ABCC1: variants seen among roughly 807,000 people sequenced by gnomAD.
The protein encoded by ABCC1 is multidrug resistance-associated protein 1.
In ABCC1, 83 loss-of-function variants were observed where a neutral mutation model predicts 172.9. That is an observed-to-expected ratio of 0.48 (90% confidence interval 0.40 to 0.58). The LOEUF (loss-of-function observed/expected upper bound fraction) is 0.58, where lower values mean the gene tolerates loss of function less well. ABCC1 is among the 20% of genes least tolerant of loss of function. The probability of loss-of-function intolerance (pLI) is 0.00; values close to 1 mark genes in which losing one functional copy is unlikely to be tolerated. For missense variants in ABCC1, 1,817 were observed against 2,002.7 expected (o/e 0.91, Z 1.77); for synonymous variants, 937 against 825.2 (o/e 1.14, Z -2.32).
At chr16:16,035,185 T>C (rs2048708558) in intron 6 of ABCC1, among the ~76,000 whole-genome samples, 1 of 152,096 alleles carries the variant, frequency 6.6e-6, no homozygotes, top group African/African-American at 2.4e-5. Flanking sequence ...GTGGATCACC[T>C]GAGGTCAGGA....
At chr16:16,140,747 T>G (rs1432487317) in intron 30 of ABCC1, among the ~76,000 whole-genome samples, 1 of 152,228 alleles carries the variant, frequency 6.6e-6, no homozygotes, top group Non-Finnish European at 1.5e-5. Context: ...TCTGGCAGCT[T>G]TCACACTATA....
chr16:16,064,015 T>A (rs978502930), intron 12 of ABCC1, among the ~76,000 whole-genome samples: 10 of 151,990 alleles, frequency 6.6e-5, no homozygotes, highest in Admixed American at 5.2e-4. Context: ...AGCTCATAGG[T>A]TGACACTGGG....
intron 20 of ABCC1, among the ~76,000 whole-genome samples, chr16:16,105,757 G>A (rs1044268216): frequency 6.7e-6 from 1 of 149,850 alleles, no homozygotes; most frequent in Non-Finnish European, 1.5e-5. Context: ...TGTCGCCCAG[G>A]CTGGAGTGCA....
intron 12 of ABCC1, among the ~76,000 whole-genome samples, chr16:16,059,087 A>C (rs1434486810): frequency 6.6e-6 from 1 of 152,054 alleles, no homozygotes; most frequent in African/African-American, 2.4e-5. Context: ...TCAGGTTGAC[A>C]TGTAGAGACA....
intron 1 of ABCC1, among the ~76,000 whole-genome samples, chr16:15,983,288 C>T (rs1199317186): frequency 2.0e-5 from 3 of 152,044 alleles, no homozygotes; most frequent in Admixed American, 1.3e-4. Flanking sequence ...TGAAGGGGTC[C>T]CTGGAACAGT....
chr16:15,981,905 A>G (rs1472444654), intron 1 of ABCC1, among the ~76,000 whole-genome samples: 1 of 152,110 alleles, frequency 6.6e-6, no homozygotes, highest in East Asian at 1.9e-4. Context: ...TCTGACAATC[A>G]TCTAAATCAT....
chr16:15,995,046 G>A (rs1275729408), intron 1 of ABCC1, among the ~76,000 whole-genome samples: 2 of 151,394 alleles, frequency 1.3e-5, no homozygotes, highest in African/African-American at 2.4e-5. Context: ...CAGGAGAATT[G>A]CTTGAACTCG....
Position 16,131,772 on chromosome 16 carries a change from C to G in ABCC1, c.3820-17C>G. ...GGACTGGAAATTCCTTACTCTCTCCCTTCACTGCGATCGAAGGCGCCCTGG... is the reference window on the plus strand; with the variant it reads ...GGACTGGAAATTCCTTACTCTCTCCGTTCACTGCGATCGAAGGCGCCCTGG... On this transcript the variant is annotated splice_polypyrimidine_tract_variant and intron_variant, in intron 26 of 30. Transcript: ENST00000399410. 1 of 1,610,278 alleles carries G rather than the reference C, an allele frequency of 6.2e-7. No individual in the cohort carries two copies. The highest frequency in any genetic ancestry group is 8.5e-7 in the Non-Finnish European group (1 of 1,179,050).
intron 24 of ABCC1, among the ~76,000 whole-genome samples, chr16:16,124,475 G>C (rs1178420713): frequency 3.3e-5 from 5 of 151,472 alleles, no homozygotes; most frequent in African/African-American, 1.2e-4. Flanking sequence ...TATTTTAAAG[G>C]CTTCAATGAG....
At chr16:16,127,968 T>C (rs1224515086) in intron 26 of ABCC1, among the ~76,000 whole-genome samples, 1 of 150,448 alleles carries the variant, frequency 6.6e-6, no homozygotes, top group Non-Finnish European at 1.5e-5. Context: ...TTGCCCAGGC[T>C]GGAATGCAGT....
chr16:16,040,333 G>A (rs778392308), intron 7 of ABCC1, among the ~76,000 whole-genome samples: 1 of 151,722 alleles, frequency 6.6e-6, no homozygotes, highest in African/African-American at 2.4e-5. Flanking sequence ...TGTTGCTTAG[G>A]CTGGAGTGCA....
chr16:15,951,330 GT>G (rs1051441049), intron 1 of ABCC1, among the ~76,000 whole-genome samples: 1 of 152,190 alleles, frequency 6.6e-6, no homozygotes, highest in African/African-American at 2.4e-5. Flanking sequence ...TAATGAGTAT[GT>G]TTGGGGTGCG....
chr16:16,053,844 A>C (rs2049534889), intron 11 of ABCC1, among the ~76,000 whole-genome samples: 1 of 149,898 alleles, frequency 6.7e-6, no homozygotes, highest in Non-Finnish European at 1.5e-5. Flanking sequence ...ACATAAATTA[A>C]AAGGGGATAC....
chr16:15,975,185 A>G (rs1000239564), intron 1 of ABCC1, among the ~76,000 whole-genome samples: 6 of 152,206 alleles, frequency 3.9e-5, no homozygotes, highest in African/African-American at 1.2e-4. Flanking sequence ...ATCCTCGCCC[A>G]AGAATGTAAG....
At chr16:16,073,095 C>T (rs1255342351) in intron 14 of ABCC1, among the ~76,000 whole-genome samples, 1 of 151,590 alleles carries the variant, frequency 6.6e-6, no homozygotes, top group East Asian at 1.9e-4. Flanking sequence ...AGTGCAGTGA[C>T]ACGTTCACTT....
At chr16:15,970,716 C>G (rs145091041) in intron 1 of ABCC1, among the ~76,000 whole-genome samples, 1 of 152,140 alleles carries the variant, frequency 6.6e-6, no homozygotes, top group Non-Finnish European at 1.5e-5. Flanking sequence ...GGCATTAGCT[C>G]TAAGACAGGG....
chr16:16,097,812 T>A (rs1389828358), intron 19 of ABCC1, among the ~76,000 whole-genome samples: 1 of 152,228 alleles, frequency 6.6e-6, no homozygotes, highest in African/African-American at 2.4e-5. Context: ...CGTGAGCCTC[T>A]GTGTGGAATG....
chr16:16,101,025 T>A (rs947941475), intron 19 of ABCC1, among the ~76,000 whole-genome samples: 5 of 150,738 alleles, frequency 3.3e-5, no homozygotes, highest in Admixed American at 6.6e-5. Flanking sequence ...ATTTTTTTTT[T>A]ATTTTTATTT....
intron 19 of ABCC1, chr16:16,094,076 G>A (rs2051365283): frequency 6.7e-6 from 1 of 148,578 alleles, no homozygotes; most frequent in Non-Finnish European, 1.5e-5. Context: ...TTTCTTCTGG[G>A]ATATATTTTT....
Sources: allele counts gnomAD v4.1 joint callset (sites outside exome capture counted in the v4.1 genomes callset), GRCh38; gene constraint gnomAD v4.1.1; transcripts MANE v1.5; gene names NCBI Gene and HGNC (gene_info 2026-07-23, HGNC 2026-07-21).